The following PLCD4 variants were observed in gnomAD, a reference collection of about 807,000 sequenced individuals.
The protein encoded by PLCD4 is 1-phosphatidylinositol 4,5-bisphosphate phosphodiesterase delta-4.
A neutral mutation model predicts 90.2 loss-of-function variants in PLCD4; 63 were observed. That is an observed-to-expected ratio of 0.70 (90% confidence interval 0.57 to 0.86). The LOEUF (loss-of-function observed/expected upper bound fraction) is 0.86. Ranked by LOEUF, PLCD4 falls within the 40% of genes least tolerant of loss-of-function variation. The pLI is 0.00. For missense variants in PLCD4, 830 were observed against 956.3 expected (o/e 0.87, Z 1.74); for synonymous variants, 294 against 356.5 (o/e 0.82, Z 1.97).
chr2:218,633,956 TGGATG>T, intron 11 of PLCD4, 144 bp from the exon 12 acceptor site: 1 of 1,247,296 alleles, frequency 8.0e-7, no homozygotes, highest in Non-Finnish European at 1.1e-6. Flanking sequence ...AAAGCTGGTC[TGGATG>T]GACAGAGTAG....
At position 218,634,217 on chromosome 2, in the gene PLCD4, G is replaced by A. The variant is rs1351137578; in HGVS notation, c.1719G>A (p.Gln573=). 6.2e-7 allele frequency: 1 copy of A among 1,608,690 alleles called. No homozygotes were observed. The part of the protein sequence containing the change: ...NPQELWNAGC[Q]MVAMNMQTAG... ...AGGAACTCTGGAATGCAGGCTGCCA[G>A]ATGGGTGAGGAGGCAGCAGGGACTG... Residue 573 remains glutamine, a synonymous_variant, in exon 12 of 16, where the codon CAG becomes CAA. Coordinates refer to ENST00000450993, the MANE Select transcript of PLCD4 (RefSeq NM_032726.4). This position sits in a 1 kb window ranked among gnomAD's most constrained non-coding sequence, Gnocchi z 4.0.
intron 3 of PLCD4, among the ~76,000 whole-genome samples, chr2:218,617,364 A>G (rs62191566): frequency 0.99 from 150,095 of 151,112 alleles, 74,549 homozygotes; most frequent in Middle Eastern, 1. Flanking sequence ...ATCACTTGAG[A>G]TCAGGAGTTT....
In PLCD4 at chr2:218,637,044, G is replaced by T. The variant is rs1034853520; in HGVS notation, c.*467G>T. 10 of 399,250 alleles carry T rather than the reference G, an allele frequency of 2.5e-5. No individual in the cohort carries two copies. Among genetic ancestry groups the T allele is most frequent in the African/African-American group, 1.5e-4 (7 of 47,990 alleles). 24.7% of individuals were successfully genotyped at this position (399,250 alleles called of 1,614,324 possible). ...TAAATCAAGGCTCAAGGCTTCCCCA[G>T]CAAAGATTAGGGAAAGAGACTTGAC... On this transcript the variant is annotated 3_prime_UTR_variant, in exon 16 of 16. Coordinates refer to ENST00000450993, the MANE Select transcript of PLCD4 (RefSeq NM_032726.4).
rs775096336 is a variant in PLCD4, at chr2:218,636,342, G to A, written c.2132G>A (p.Arg711Gln). The stretch of plus-strand genomic sequence containing the variant: ...GTAATGGATTATGACTGGAAATCCC[G>A]AAATGACTTTATTGGTCAGTACACC... ...FVVMDYDWKS[R>Q]NDFIGQYTLP... The change falls in exon 15 of 16, where the codon CGA (arginine) becomes CAA (glutamine). Residue 711 changes from arginine to glutamine, a missense_variant. Arg to Gln is a conservative substitution (Grantham distance 43). Transcript: ENST00000450993. The A allele has an allele frequency of 3.7e-6, 6 of 1,614,002 alleles. No individual in the cohort carries two copies. Among genetic ancestry groups the A allele is most frequent in the East Asian group, 2.2e-5 (1 of 44,884 alleles).
rs560572127 is a variant in PLCD4 at position 218,630,912 on chromosome 2, A to G, written c.1272+110A>G. The G allele has an allele frequency of 6.6e-4, 806 of 1,225,734 alleles. 15 individuals carry two copies. The South Asian group carries it at 0.011, about 17-fold the overall frequency. 75.9% of individuals were successfully genotyped at this position (1,225,734 alleles called of 1,614,324 possible). A position where few individuals can be genotyped will look rare whatever the true frequency, so the allele number is the denominator to read the frequency against. ...TTCCCTTCTTTCTATCCTCGGATGG[A>G]CCATCTTGCTCTTTAATGTCCTTGG... On this transcript the variant is annotated intron_variant, in intron 9 of 15. Transcript: ENST00000450993.
rs1379755477 is a variant in PLCD4 at position 218,616,956 on chromosome 2, A to AT, written c.181+894_181+895insT. The stretch of plus-strand genomic sequence containing the variant: ...GAGAGAGAGAGAGAGAGAGAGAGAG[A>AT]GAGAGAGAGAGAGAGAGAGAGAGAG... On this transcript the variant is annotated intron_variant, in intron 3 of 15. Coordinates refer to ENST00000450993, the MANE Select transcript of PLCD4 (RefSeq NM_032726.4). Among the ~76,000 whole-genome samples the AT allele has an allele frequency of 1.8e-4, 15 of 85,532 alleles. 1 individual carries two copies. The highest frequency in any genetic ancestry group is 7.1e-4 in the African/African-American group (15 of 21,200). The allele number at this position is 85,532 out of a possible 152,430, so 56.1% of individuals were successfully genotyped here. A position where few individuals can be genotyped will look rare whatever the true frequency, so the allele number is the denominator to read the frequency against.
intron 1 of PLCD4, among the ~76,000 whole-genome samples, chr2:218,608,701 G>A (rs1011423321): frequency 2.0e-5 from 3 of 152,160 alleles, no homozygotes; most frequent in Non-Finnish European, 4.4e-5. Flanking sequence ...TGTGTACCAA[G>A]TGTACTTGTT....
rs774974886 is a variant in PLCD4 at position 218,621,508 on chromosome 2, AG to A, written c.451del (p.Asp151MetfsTer4). On this transcript the variant is annotated frameshift_variant, in exon 5 of 16. Coordinates refer to ENST00000450993, the MANE Select transcript of PLCD4 (RefSeq NM_032726.4). LOFTEE classifies it high-confidence loss of function. The stretch of plus-strand genomic sequence containing the variant: ...TGGTTTCAACGTGGAGACAAAAATC[AG>A]GATGGTAAGATGAGTTTCCAAGAAG... The part of the protein sequence containing the change: ...SDWFQRGDKN[Q>X]DGKMSFQEVQ... The A allele has an allele frequency of 2.5e-6, 4 of 1,614,022 alleles. No individual in the cohort carries two copies. In the South Asian group the frequency reaches 4.4e-5, roughly 18 times the overall value.
chr2:218,619,999 T>C (rs1055126750), intron 4 of PLCD4, among the ~76,000 whole-genome samples: 4 of 152,128 alleles, frequency 2.6e-5, no homozygotes, highest in African/African-American at 9.7e-5. Context: ...CACCTCAGCT[T>C]CCCGAGCAGC....
chr2:218,630,743 G>A lies in PLCD4; in HGVS notation c.1213G>A (p.Glu405Lys), dbSNP rs1696325302. The change falls in exon 9 of 16, where the codon GAG becomes AAG. Residue 405 changes from glutamate to lysine, a missense_variant. By Grantham distance (56) the Glu-to-Lys change is moderately conservative (BLOSUM62 1). Transcript: ENST00000450993. ...CCGTCATCTGACTGAGATCCTGGGG[G>A]AGCAGCTGCTGAGCACCACCTTGGA... ...MARHLTEILG[E>K]QLLSTTLDGV... 2 of 1,613,816 alleles carry A rather than the reference G, an allele frequency of 1.2e-6. No homozygotes were observed. The highest frequency in any genetic ancestry group is 1.7e-5 in the Admixed American group (1 of 59,984).
intron 1 of PLCD4, among the ~76,000 whole-genome samples, chr2:218,614,460 T>C (rs553323149): frequency 2.6e-5 from 4 of 151,762 alleles, no homozygotes; most frequent in African/African-American, 9.7e-5. Flanking sequence ...CTTTTTCCTC[T>C]TTTTATTGAG....
At chr2:218,630,878 C>A in intron 9 of PLCD4, 76 bp downstream of exon 9, 1 of 1,441,258 alleles carries the variant, frequency 6.9e-7, no homozygotes, top group Non-Finnish European at 9.3e-7. Flanking sequence ...TCCTCTATGC[C>A]CCTCTTTGTT....
Position 218,615,923 on chromosome 2 carries a change from C to T in PLCD4, c.42C>T (p.Asp14=). 6.2e-7 allele frequency: 1 copy of T among 1,614,004 alleles called. No homozygotes were observed. Among genetic ancestry groups the T allele is most frequent in the African/African-American group, 1.3e-5 (1 of 75,044 alleles). ...ACCTAGAGCTGACCACTGATCAGGA[C>T]TTGCTGCTGATGCAGGAAGGCATGC... The part of the protein sequence containing the change: ...LLQDQLTTDQ[D]LLLMQEGMPM... Residue 14 remains aspartate, a synonymous_variant, in exon 3 of 16, where the codon GAC becomes GAT. Coordinates refer to ENST00000450993, the MANE Select transcript of PLCD4 (RefSeq NM_032726.4).
In PLCD4 at chr2:218,621,552, C is replaced by G; in HGVS notation, c.493C>G (p.Leu165Val). 2 of 1,613,964 alleles carry G rather than the reference C, an allele frequency of 1.2e-6. No homozygotes were observed. The highest frequency in any genetic ancestry group is 1.7e-6 in the Non-Finnish European group (2 of 1,179,858). The part of the protein sequence containing the change: ...SFQEVQRLLH[L>V]MNVEMDQEYA... ...CCAAGAAGTTCAGCGGTTATTGCAC[C>G]TAATGAATGTGGAAATGGACCAAGA... is the stretch of plus-strand genomic sequence containing the variant. The change falls in exon 5 of 16, where the codon CTA (leucine) becomes GTA (valine). Residue 165 changes from leucine to valine, a missense_variant. By Grantham distance (32) the Leu-to-Val change is conservative (BLOSUM62 1). Transcript: ENST00000450993.
rs539268095 is a variant in PLCD4, at chr2:218,632,257, T to C, written c.1394T>C (p.Phe465Ser). 2 of 1,611,616 alleles carry C rather than the reference T, an allele frequency of 1.2e-6. No homozygotes were observed. The highest frequency in any genetic ancestry group is 1.7e-6 in the Non-Finnish European group (2 of 1,178,950). Residue 465 changes from phenylalanine to serine, a missense_variant, in exon 10 of 16, where the codon TTT becomes TCT. Transcript: ENST00000450993. ...EESELALESQ[F>S]ETEPEPQEQN... ...TCAGAATTGGCGCTGGAGTCCCAGT[T>C]TGAGACTGAGCCTGAGCCCCAGGAG... is the stretch of plus-strand genomic sequence containing the variant.
At chr2:218,613,201 G>A (rs957681070) in intron 1 of PLCD4, among the ~76,000 whole-genome samples, 1 of 152,038 alleles carries the variant, frequency 6.6e-6, no homozygotes, top group African/African-American at 2.4e-5. Flanking sequence ...GACCAGCCTG[G>A]CCAACATAGT....
intron 6 of PLCD4, among the ~76,000 whole-genome samples, chr2:218,626,361 T>G (rs1159080624): frequency 6.6e-6 from 1 of 152,100 alleles, no homozygotes; most frequent in Non-Finnish European, 1.5e-5. Context: ...ATGAGAGTCA[T>G]GTTGTTCCAC....
chr2:218,625,768 T>C (rs1696089341), intron 6 of PLCD4, among the ~76,000 whole-genome samples: 1 of 152,036 alleles, frequency 6.6e-6, no homozygotes, highest in Non-Finnish European at 1.5e-5. Context: ...ACCCCTTCTC[T>C]ACTAAAAATA....
chr2:218,633,453 A>T (rs1165958246), intron 10 of PLCD4, 152 bp from the exon 11 acceptor site: 1 of 921,884 alleles, frequency 1.1e-6, no homozygotes, highest in Non-Finnish European at 1.7e-6. Flanking sequence ...CCTATTTCCA[A>T]GCCTGAGTCC....
Sources: gnomAD v4.1 joint callset for allele counts (sites outside exome capture counted in the v4.1 genomes callset) on GRCh38, gnomAD v4.1.1 for gene constraint, Gnocchi (gnomAD v3.1) non-coding constraint, MANE v1.5 for transcripts, NCBI Gene and HGNC (gene_info 2026-07-23, HGNC 2026-07-21) for gene names.